The following MKLN1 variants were observed in gnomAD, a reference collection of about 807,000 sequenced individuals.
MKLN1 encodes muskelin.
MKLN1 carries 18 observed loss-of-function variants against 99.0 expected under a neutral mutation model. The ratio of observed to expected loss-of-function variants is 0.18; its 90% CI spans 0.13 to 0.27. MKLN1 has a LOEUF of 0.27. Among genes scored for constraint, MKLN1 ranks in the 10% least tolerant of loss-of-function variants. The pLI is 1.00. For synonymous variants in MKLN1, 288 were observed against 293.2 expected (o/e 0.98, Z 0.18); for missense variants, 621 against 875.9 (o/e 0.71, Z 3.67).
At position 131,487,219 on chromosome 7, in the gene MKLN1, A is replaced by G. The variant is rs1797305174; in HGVS notation, c.2087-388A>G. Among the ~76,000 whole-genome samples the G allele has an allele frequency of 6.6e-6, 1 of 152,186 alleles. No homozygotes were observed. Among genetic ancestry groups the G allele is most frequent in the South Asian group, 2.1e-4 (1 of 4,832 alleles). On this transcript the variant is annotated intron_variant, in intron 17 of 17. Coordinates refer to ENST00000352689, the MANE Select transcript of MKLN1 (RefSeq NM_013255.5). The surrounding 1 kb of genome is among the most constrained non-coding windows in gnomAD (Gnocchi z 4.7). ...AAGCATTAACAAGTCAGAAAAGACA[A>G]GTGGAATTTCCTCAGTGGACCAGCA... is the stretch of plus-strand genomic sequence containing the variant.
chr7:131,378,759 G>A (rs886334368), intron 2 of MKLN1, among the ~76,000 whole-genome samples: 4 of 152,224 alleles, frequency 2.6e-5, no homozygotes, highest in African/African-American at 9.6e-5. Context: ...GAACCCAGGA[G>A]GTCAAGGCTG....
intron 1 of MKLN1, among the ~76,000 whole-genome samples, chr7:131,371,894 T>G (rs1215320858): frequency 6.6e-6 from 1 of 152,000 alleles, no homozygotes; most frequent in Non-Finnish European, 1.5e-5. Context: ...TGACAAATTA[T>G]GTTACCATCG....
intron 17 of MKLN1, among the ~76,000 whole-genome samples, chr7:131,483,113 TAAAG>T (rs1797171103): frequency 6.6e-6 from 1 of 152,170 alleles, no homozygotes; most frequent in Admixed American, 6.5e-5. Context: ...TTTATGAAAA[TAAAG>T]TAAGATAAAC....
At chr7:131,233,756 G>T (rs1174199146) in intron 3 of MKLN1, among the ~76,000 whole-genome samples, 1 of 151,796 alleles carries the variant, frequency 6.6e-6, no homozygotes, top group Non-Finnish European at 1.5e-5. Context: ...ATTACCAGTG[G>T]GGCTATGACC....
intron 2 of MKLN1, among the ~76,000 whole-genome samples, chr7:131,160,277 A>G (rs1236714722): frequency 1.3e-5 from 2 of 152,040 alleles, no homozygotes; most frequent in Non-Finnish European, 2.9e-5. Flanking sequence ...AAAAGATTCC[A>G]TTGTATGAAT....
intron 2 of MKLN1, among the ~76,000 whole-genome samples, chr7:131,166,517 C>A (rs1796127079): frequency 6.6e-6 from 1 of 152,156 alleles, no homozygotes; most frequent in African/African-American, 2.4e-5. Context: ...TCCTTCCTTA[C>A]CCGCTTCTCG....
intron 12 of MKLN1, among the ~76,000 whole-genome samples, chr7:131,463,003 T>A (rs1452894047): frequency 6.6e-6 from 1 of 152,080 alleles, no homozygotes; most frequent in Non-Finnish European, 1.5e-5. Flanking sequence ...ATGCTTGTAG[T>A]CCCAGCTACT....
intron 10 of MKLN1, among the ~76,000 whole-genome samples, chr7:131,440,935 A>G (rs1795820383): frequency 6.6e-6 from 1 of 152,214 alleles, no homozygotes. Flanking sequence ...TATAGCAAGT[A>G]GACAAAATGA....
intron 2 of MKLN1, among the ~76,000 whole-genome samples, chr7:131,379,217 A>G (rs1793765172): frequency 6.6e-6 from 1 of 152,218 alleles, no homozygotes; most frequent in South Asian, 2.1e-4. Flanking sequence ...CCTTTATTCT[A>G]GGCCTCAGGC....
At chr7:131,299,334 A>G (rs972939155) in intron 3 of MKLN1, among the ~76,000 whole-genome samples, 1 of 152,190 alleles carries the variant, frequency 6.6e-6, no homozygotes, top group South Asian at 2.1e-4. Flanking sequence ...AATTGAACAG[A>G]GAACCATTTT....
chr7:131,294,998 C>CT (rs1464379849), intron 3 of MKLN1, among the ~76,000 whole-genome samples: 1 of 152,148 alleles, frequency 6.6e-6, no homozygotes, highest in Admixed American at 6.5e-5. Context: ...CTCTTAATGA[C>CT]TTTCCCTTTG....
intron 6 of MKLN1, among the ~76,000 whole-genome samples, chr7:131,402,641 A>G (rs763103669): frequency 1.3e-5 from 2 of 152,220 alleles, no homozygotes; most frequent in Non-Finnish European, 2.9e-5. Flanking sequence ...GAAAGTCTAA[A>G]TGACTCCTTG....
intron 1 of MKLN1, among the ~76,000 whole-genome samples, chr7:131,350,908 T>C (rs1799701246): frequency 6.6e-6 from 1 of 152,244 alleles, no homozygotes; most frequent in Non-Finnish European, 1.5e-5. Flanking sequence ...TTTTCTTTTA[T>C]GGCCACAATG....
chr7:131,119,530 C>T (rs1795329159), intron 1 of MKLN1, among the ~76,000 whole-genome samples: 1 of 152,222 alleles, frequency 6.6e-6, no homozygotes, highest in African/African-American at 2.4e-5. Context: ...TGTGGGGGCT[C>T]CAACTCCACA....
chr7:131,151,494 C>T (rs982977768), intron 2 of MKLN1, among the ~76,000 whole-genome samples: 3 of 152,170 alleles, frequency 2.0e-5, no homozygotes, highest in African/African-American at 7.2e-5. Flanking sequence ...GACAGAATTT[C>T]CGAACCTCAA....
chr7:131,173,691 C>T (rs969391118), intron 2 of MKLN1, among the ~76,000 whole-genome samples: 7 of 152,066 alleles, frequency 4.6e-5, no homozygotes, highest in Non-Finnish European at 7.4e-5. Context: ...TGCATTCCAA[C>T]CTGGGTCATA....
At chr7:131,160,111 A>C (rs1796025143) in intron 2 of MKLN1, among the ~76,000 whole-genome samples, 1 of 152,140 alleles carries the variant, frequency 6.6e-6, no homozygotes, top group South Asian at 2.1e-4. Flanking sequence ...GCAACCACTT[A>C]TCTGCTTTCT....
intron 1 of MKLN1, among the ~76,000 whole-genome samples, chr7:131,340,178 C>CCCTTT (rs1799364376): frequency 6.6e-6 from 1 of 152,038 alleles, no homozygotes; most frequent in African/African-American, 2.4e-5. Flanking sequence ...TGCCTGACCC[C>CCCTTT]CCTTTCCCCT....
chr7:131,248,962 C>T (rs1190093670), intron 3 of MKLN1, among the ~76,000 whole-genome samples: 1 of 152,204 alleles, frequency 6.6e-6, no homozygotes, highest in Non-Finnish European at 1.5e-5. Context: ...TACCACTTTC[C>T]TCACCTTCTC....
Sources: gnomAD v4.1 joint callset for allele counts (sites outside exome capture counted in the v4.1 genomes callset) on GRCh38, gnomAD v4.1.1 for gene constraint, Gnocchi (gnomAD v3.1) non-coding constraint, MANE v1.5 for transcripts, NCBI Gene and HGNC (gene_info 2026-07-23, HGNC 2026-07-21) for gene names.